The following NPHS1 variants were observed in gnomAD, a reference collection of about 807,000 sequenced individuals.
NPHS1 encodes NPHS1 adhesion molecule, nephrin, also known as nephrin.
A neutral mutation model predicts 139.7 loss-of-function variants in NPHS1; 107 were observed. That is an observed-to-expected ratio of 0.77 (90% confidence interval 0.66 to 0.90). NPHS1 has a LOEUF of 0.90. NPHS1 is among the 40% of genes least tolerant of loss of function. The probability of loss-of-function intolerance (pLI) is 0.00; values close to 1 mark genes in which losing one functional copy is unlikely to be tolerated. For synonymous variants in NPHS1, 707 were observed against 706.6 expected (o/e 1.00, Z -0.01); for missense variants, 1,580 against 1,654.2 (o/e 0.96, Z 0.78).
intron 23 of NPHS1, among the ~76,000 whole-genome samples, chr19:35,833,216 C>A (rs1370586901): frequency 6.6e-6 from 1 of 152,066 alleles, no homozygotes; most frequent in East Asian, 1.9e-4. Flanking sequence ...TTTCCACCAA[C>A]TTCCATCCCA....
intron 22 of NPHS1, 89 bp downstream of exon 22, chr19:35,839,146 TCA>T (rs1973017353): frequency 8.0e-7 from 1 of 1,248,930 alleles, no homozygotes; most frequent in Non-Finnish European, 1.2e-6. Context: ...CCTCAGTAAC[TCA>T]TCATAAAAGG....
At chr19:35,828,326 C>T (rs777051560) in intron 28 of NPHS1, among the ~76,000 whole-genome samples, 1 of 151,808 alleles carries the variant, frequency 6.6e-6, no homozygotes, top group African/African-American at 2.4e-5. Flanking sequence ...AGTGCAGTGG[C>T]GCAATCTTGG....
At chr19:35,843,776 C>A in intron 16 of NPHS1, 183 bp from the exon 17 acceptor site, 1 of 718,822 alleles carries the variant, frequency 1.4e-6, no homozygotes, top group African/African-American at 1.8e-5. Context: ...CTCCACCCTC[C>A]ACTATGCCTC....
At chr19:35,839,162 ATAGTAT>A (rs1973017535) in intron 22 of NPHS1, 69 bp downstream of exon 22, 1 of 1,370,108 alleles carries the variant, frequency 7.3e-7, no homozygotes, top group Non-Finnish European at 1.0e-6. Context: ...TAAAAGGGGA[ATAGTAT>A]TGACTTCACC....
chr19:35,850,492 T>G (rs1363050872), intron 4 of NPHS1, 47 bp from the exon 5 acceptor site: 1 of 1,526,734 alleles, frequency 6.5e-7, no homozygotes, highest in East Asian at 2.3e-5. Context: ...CCCCGCAAGA[T>G]AGATTCTGGG....
rs34920536 is a variant in NPHS1 at position 35,847,344 on chromosome 19, CTTTT to C, written c.1440+693_1440+696del. On this transcript the variant is annotated intron_variant, in intron 11 of 28. Transcript: ENST00000378910. ...ACAGGCGTGAGCCACTGTGCCCAGC[CTTTT>C]TTTTTTTTTTTTTTTTTTTTTTTGA... Among the ~76,000 whole-genome samples the C allele has an allele frequency of 2.0e-3, 117 of 59,852 alleles. 1 individual carries two copies. Among genetic ancestry groups the C allele is most frequent in the African/African-American group, 8.8e-3 (107 of 12,132 alleles). The allele number at this position is 59,852 out of a possible 152,430, so 39.3% of individuals were successfully genotyped here.
At position 35,841,844 on chromosome 19, in the gene NPHS1, G is replaced by C. The variant is rs771594710; in HGVS notation, c.2686C>G (p.Gln896Glu). 5.6e-6 allele frequency: 9 copies of C among 1,612,988 alleles called. No homozygotes were observed. The Admixed American group carries it at 1.3e-4, about 24-fold the overall frequency. ...DPRYTEHTYHQGGVHSSLLTI... is the reference protein window; with the variant it reads ...DPRYTEHTYHEGGVHSSLLTI... ...AGGAGGCTGCTGTGGACACCACCCT[G>C]GTGGTATGTGTGCTCCGTGTACCTA... Residue 896 changes from glutamine to glutamate, a missense_variant, in exon 20 of 29, where the codon CAG becomes GAG. Physicochemically the swap from Gln to Glu is conservative, Grantham distance 29. Coordinates refer to ENST00000378910, the MANE Select transcript of NPHS1 (RefSeq NM_004646.4).
chr19:35,851,887 CGTCT>C lies in NPHS1; in HGVS notation c.-54_-51del. The C allele has an allele frequency of 6.6e-7, 1 of 1,514,314 alleles. No homozygotes were observed. The highest frequency in any genetic ancestry group is 9.0e-7 in the Non-Finnish European group (1 of 1,114,698). 93.8% of individuals were successfully genotyped at this position (1,514,314 alleles called of 1,614,324 possible). On this transcript the variant is annotated 5_prime_UTR_variant, in exon 1 of 29. Coordinates refer to ENST00000378910, the MANE Select transcript of NPHS1 (RefSeq NM_004646.4). ...CACAGCGCCCGCTGCCAGCCACCTGCGTCTGTCTGGCTTTCTCTGGGTCCCTCTC... is the reference window on the plus strand; with the variant it reads ...CACAGCGCCCGCTGCCAGCCACCTGCGTCTGGCTTTCTCTGGGTCCCTCTC...
At chr19:35,826,792 G>A (rs1972806177) in intron 28 of NPHS1, 147 bp from the exon 29 acceptor site, 1 of 874,602 alleles carries the variant, frequency 1.1e-6, no homozygotes, top group Non-Finnish European at 1.9e-6. Context: ...AAAAAGGAGT[G>A]TGATTATAAT....
Position 35,842,509 on chromosome 19 carries a change from C to A in NPHS1, c.2376G>T (p.Lys792Asn). 1.2e-6 allele frequency: 2 copies of A among 1,614,180 alleles called. No individual in the cohort carries two copies. The highest frequency in any genetic ancestry group is 1.1e-5 in the South Asian group (1 of 91,078). ...GGCGCCCCGTTGGTCCCCTGGATAT[C>A]TTCTCCATGTCATCCAGGCTCTGGT... ...EEDQSLDDMEKISRGPTGRLR... is the reference protein window; with the variant it reads ...EEDQSLDDMENISRGPTGRLR... Residue 792 changes from lysine to asparagine, a missense_variant, in exon 18 of 29, where the codon AAG becomes AAT. Lys to Asn is a moderately conservative substitution (Grantham distance 94, BLOSUM62 0). Transcript: ENST00000378910.
Position 35,848,222 on chromosome 19 carries a change from G to T in NPHS1, c.1315+31C>A, listed in dbSNP as rs1424685596. The T allele has an allele frequency of 1.8e-5, 29 of 1,614,156 alleles. 1 individual carries two copies. In the East Asian group the frequency reaches 6.5e-4, roughly 36 times the overall value. ...TCTCTGTGCTGGGTCCTGAGGCTTG[G>T]GGGCATTGCTGGGCCAGGGCAGGGG... On this transcript the variant is annotated intron_variant, in intron 10 of 28. Coordinates refer to ENST00000378910, the MANE Select transcript of NPHS1 (RefSeq NM_004646.4).
At chr19:35,843,351 T>G in intron 17 of NPHS1, 121 bp downstream of exon 17, 1 of 1,249,302 alleles carries the variant, frequency 8.0e-7, no homozygotes, top group South Asian at 1.2e-5. Context: ...GAGCATGCCC[T>G]GGCGAGTATA....
chr19:35,848,232 T>A (rs776549468), intron 10 of NPHS1, 21 bp downstream of exon 10: 1 of 1,614,168 alleles, frequency 6.2e-7, no homozygotes, highest in South Asian at 1.1e-5. Context: ...GGGGCATTGC[T>A]GGGCCAGGGC....
chr19:35,851,376 G>A lies in NPHS1; in HGVS notation c.283C>T (p.His95Tyr), dbSNP rs761207157. 1 of 1,613,150 alleles carries A rather than the reference G, an allele frequency of 6.2e-7. No homozygotes were observed. The highest frequency in any genetic ancestry group is 1.1e-5 in the South Asian group (1 of 90,980). The change falls in exon 3 of 29, where the codon CAC becomes TAC. Residue 95 changes from histidine to tyrosine, a missense_variant. By Grantham distance (83) the His-to-Tyr change is moderately conservative. Transcript: ENST00000378910. ...LEGDPARGEFHLHIEACDLSD... is the reference protein window; with the variant it reads ...LEGDPARGEFYLHIEACDLSD... Reference sequence around the variant, plus strand: ...AGGTCACAGGCCTCGATGTGCAGGTGGAATTCACCTGCAGGGGGAGCCGGA... The same window carrying A: ...AGGTCACAGGCCTCGATGTGCAGGTAGAATTCACCTGCAGGGGGAGCCGGA...
intron 28 of NPHS1, among the ~76,000 whole-genome samples, chr19:35,828,409 C>T (rs1599834079): frequency 6.6e-6 from 1 of 152,058 alleles, no homozygotes; most frequent in African/African-American, 2.4e-5. Context: ...GGACTACAGG[C>T]GCCAGCCACC....
At chr19:35,837,938 T>TAAAAAAAA (rs1200757977) in intron 22 of NPHS1, among the ~76,000 whole-genome samples, 10 of 99,424 alleles carry the variant, frequency 1.0e-4, no homozygotes, top group South Asian at 3.7e-4. Context: ...GTTATTCTCT[T>TAAAAAAAA]AAAAAAAAAA....
rs777251875 is a variant in NPHS1 at position 35,842,220 on chromosome 19, G to T, written c.2567C>A (p.Thr856Asn). 6.2e-7 allele frequency: 1 copy of T among 1,613,300 alleles called. No individual in the cohort carries two copies. Among genetic ancestry groups the T allele is most frequent in the South Asian group, 1.1e-5 (1 of 90,974 alleles). ...LTKVAAAGDS[T>N]SSATLHCRAR... ...ACGGCAGTGGAGGGTGGCAGAACTG[G>T]TGCTGTCTCCAGCTGCAGCCACCTT... The change falls in exon 19 of 29, where the codon ACC (threonine) becomes AAC (asparagine). Residue 856 changes from threonine to asparagine, a missense_variant. Thr to Asn is a moderately conservative substitution (Grantham distance 65, BLOSUM62 0). Coordinates refer to ENST00000378910, the MANE Select transcript of NPHS1 (RefSeq NM_004646.4).
chr19:35,843,415 G>C, intron 17 of NPHS1, 57 bp downstream of exon 17: 2 of 1,609,520 alleles, frequency 1.2e-6, no homozygotes, highest in Non-Finnish European at 1.7e-6. Context: ...GGAACTCACA[G>C]TCAAGAAACC....
Position 35,831,745 on chromosome 19 carries a change from G to A in NPHS1, c.3184C>T (p.Leu1062=), listed in dbSNP as rs771543993. The A allele has an allele frequency of 1.9e-6, 3 of 1,578,310 alleles. No individual in the cohort carries two copies. In the South Asian group the frequency reaches 3.5e-5, roughly 18 times the overall value. Residue 1062 remains leucine (L), a synonymous_variant, in exon 24 of 29, where the codon CTG becomes TTG. Transcript: ENST00000378910. ...EPPSGPSGLP[L]LPVLFALGGL... ...CCAAGAGCGAACAGCACAGGCAGCAGGGGCAGCCCCGAGGGTCCTAGGGGT... is the reference window on the plus strand; with the variant it reads ...CCAAGAGCGAACAGCACAGGCAGCAAGGGCAGCCCCGAGGGTCCTAGGGGT...
Sources: allele counts gnomAD v4.1 joint callset (sites outside exome capture counted in the v4.1 genomes callset), GRCh38; gene constraint gnomAD v4.1.1; transcripts MANE v1.5; gene names NCBI Gene and HGNC (gene_info 2026-07-23, HGNC 2026-07-21).